Variants in NASP observed in about 807,000 individuals in gnomAD.
NASP encodes NASP histone chaperone.
Under a neutral mutation model 89.5 loss-of-function variants are expected in NASP, and 24 were observed. That is an observed-to-expected ratio of 0.27 (90% confidence interval 0.19 to 0.38). The LOEUF (loss-of-function observed/expected upper bound fraction) is 0.38. Ranked by LOEUF, NASP falls within the 10% of genes least tolerant of loss-of-function variation. The pLI is 1.00. For missense variants in NASP, 848 were observed against 921.4 expected, an observed-to-expected ratio of 0.92 and a Z score of 1.03; for synonymous variants, 306 against 324.7, an observed-to-expected ratio of 0.94 and a Z score of 0.62.
chr1:45,584,767 G>A (rs1313561362), intron 1 of NASP, among the ~76,000 whole-genome samples: 2 of 152,224 alleles, frequency 1.3e-5, no homozygotes, highest in Non-Finnish European at 2.9e-5. Flanking sequence ...GGGCCTTGAG[G>A]AGGCGGGAAA....
rs141540892 is a variant in NASP at position 45,617,545 on chromosome 1, A to G, written c.2240A>G (p.Asp747Gly). ...CCGGAGGTGAACGGAGGCAGTGGGGATGCTGTCCCCAGTGGAAATGAAGTT... is the reference window on the plus strand; with the variant it reads ...CCGGAGGTGAACGGAGGCAGTGGGGGTGCTGTCCCCAGTGGAAATGAAGTT... Reference protein sequence around the residue: ...QEPEVNGGSGDAVPSGNEVSE... With the variant: ...QEPEVNGGSGGAVPSGNEVSE... The change falls in exon 14 of 15, where the codon GAT becomes GGT. Residue 747 changes from aspartate to glycine, a missense_variant. Asp to Gly is a moderately conservative substitution (Grantham distance 94). Transcript: ENST00000350030. The G allele has an allele frequency of 1.9e-6, 3 of 1,608,036 alleles. No individual in the cohort carries two copies. The highest frequency in any genetic ancestry group is 2.5e-6 in the Non-Finnish European group (3 of 1,178,180).
Position 45,616,677 on chromosome 1 carries a change from G to A in NASP, c.2131G>A (p.Asp711Asn), listed in dbSNP as rs1644110905. ...TGCTTCCTCATCAAATTGTGTGACT[G>A]ATATTTCCCACCTTGTCAGAAAGAA... ...DGASSSNCVT[D>N]ISHLVRKKRK... The change falls in exon 13 of 15, where the codon GAT becomes AAT. Residue 711 changes from aspartate to asparagine, a missense_variant. Around this residue, in one of 5 missense-constraint regions of NASP, gnomAD observed 218 missense variants for 219.6 expected, o/e 0.99. Transcript: ENST00000350030. The A allele has an allele frequency of 1.2e-6, 2 of 1,614,064 alleles. No homozygotes were observed. The highest frequency in any genetic ancestry group is 4.5e-5 in the East Asian group (2 of 44,884).
Position 45,607,397 on chromosome 1 carries a change from C to G in NASP, c.486C>G (p.Asp162Glu). The change falls in exon 6 of 15, where the codon GAC becomes GAG. Residue 162 changes from aspartate to glutamate, a missense_variant. Asp to Glu is a conservative substitution (Grantham distance 45, BLOSUM62 2). This residue lies in a region of NASP where 464 missense variants were observed against 469.4 expected (regional missense o/e 0.99). Coordinates refer to ENST00000350030, the MANE Select transcript of NASP (RefSeq NM_002482.4). ...GEKEEAKKTE[D>E]KSLAKPETDK... ...AAGAAGAAGCCAAAAAAACAGAAGA[C>G]AAGTCTTTGGCAAAGCCTGAAACTG... 6.2e-7 allele frequency: 1 copy of G among 1,613,944 alleles called. No homozygotes were observed. The highest frequency in any genetic ancestry group is 1.1e-5 in the South Asian group (1 of 91,070).
intron 6 of NASP, among the ~76,000 whole-genome samples, chr1:45,608,547 C>T (rs1643949524): frequency 6.6e-6 from 1 of 152,146 alleles, no homozygotes; most frequent in Non-Finnish European, 1.5e-5. Flanking sequence ...GGCTTATAAA[C>T]TAACACTTTT....
chr1:45,600,996 G>A (rs911421424), intron 2 of NASP, among the ~76,000 whole-genome samples: 2 of 152,070 alleles, frequency 1.3e-5, no homozygotes, highest in African/African-American at 4.8e-5. Flanking sequence ...TGACATGTTT[G>A]TTAAAATCTT....
At chr1:45,602,114 TG>T (rs1281923906) in intron 2 of NASP, 140 bp from the exon 3 acceptor site, 2 of 964,608 alleles carry the variant, frequency 2.1e-6, no homozygotes, top group Non-Finnish European at 2.9e-6. Flanking sequence ...GATTTTGTGA[TG>T]GTAAATAAGT....
chr1:45,616,944 A>C (rs1051831004), intron 13 of NASP, among the ~76,000 whole-genome samples: 2 of 152,140 alleles, frequency 1.3e-5, no homozygotes, highest in Admixed American at 6.5e-5. Flanking sequence ...CCCCGGGTTC[A>C]AGTGATTCTC....
At chr1:45,586,284 GGTGTGTGTGTGT>G (rs202167906) in intron 1 of NASP, among the ~76,000 whole-genome samples, 16 of 100,464 alleles carry the variant, frequency 1.6e-4, no homozygotes, top group Admixed American at 4.1e-4. Flanking sequence ...GTGTGTGTGT[GGTGTGTGTGTGT>G]GTGTGTGTGT....
rs988868704 is a variant in NASP, at chr1:45,584,080, C to G, written c.-67C>G. The G allele has an allele frequency of 1.4e-6, 2 of 1,435,528 alleles. No homozygotes were observed. Among genetic ancestry groups the G allele is most frequent in the Admixed American group, 4.0e-5 (2 of 50,064 alleles). The allele number at this position is 1,435,528 out of a possible 1,614,324, so 88.9% of individuals were successfully genotyped here. A position where few individuals can be genotyped will look rare whatever the true frequency, so the allele number is the denominator to read the frequency against. On this transcript the variant is annotated 5_prime_UTR_variant, in exon 1 of 15. Coordinates refer to ENST00000350030, the MANE Select transcript of NASP (RefSeq NM_002482.4). ...TTTCTGTCCCTGAGTGAGTCTCTGG[C>G]GTCCCAAATTGCCTGTTTTTCTCGC... is the stretch of plus-strand genomic sequence containing the variant.
rs1643540298 is a variant in NASP, at chr1:45,591,232, T to A, written c.69T>A (p.Asp23Glu). ...AELVSADKIE[D>E]VPAPSTSADK... ...TAATTTTTTATTACAGAATTGAAGA[T>A]GTTCCTGCTCCTTCTACATCTGCAG... Residue 23 changes from aspartate (D) to glutamate (E), a missense_variant, in exon 2 of 15, where the codon GAT (aspartate) becomes GAA (glutamate). Physicochemically the swap from Asp to Glu is conservative, Grantham distance 45 (BLOSUM62 2). Around this residue, in one of 5 missense-constraint regions of NASP, gnomAD observed 89 missense variants for 79.2 expected, o/e 1.12. Transcript: ENST00000350030. 5.8e-6 allele frequency: 9 copies of A among 1,539,472 alleles called. No individual in the cohort carries two copies. Among genetic ancestry groups the A allele is most frequent in the Non-Finnish European group, 7.9e-6 (9 of 1,145,304 alleles).
At chr1:45,613,541 G>A (rs186399737) in intron 7 of NASP, among the ~76,000 whole-genome samples, 5 of 152,272 alleles carry the variant, frequency 3.3e-5, no homozygotes, top group African/African-American at 7.2e-5. Flanking sequence ...GAGTGCACTG[G>A]CATGATCAGG....
intron 6 of NASP, among the ~76,000 whole-genome samples, chr1:45,609,031 G>C (rs932782313): frequency 1.3e-5 from 2 of 151,966 alleles, no homozygotes; most frequent in Admixed American, 1.3e-4. Context: ...TTTCATGCTT[G>C]CTTCGGCTGC....
At chr1:45,593,300 AAGTGGGCTGATCACTTG>A (rs1380606130) in intron 2 of NASP, among the ~76,000 whole-genome samples, 1 of 152,134 alleles carries the variant, frequency 6.6e-6, no homozygotes, top group African/African-American at 2.4e-5. Flanking sequence ...TGGGAGACTG[AAGTGGGCTGATCACTTG>A]AGGTCAGGAG....
intron 1 of NASP, among the ~76,000 whole-genome samples, chr1:45,586,239 CGTGTGTGTGTGTGTGTGT>C (rs537983711): frequency 0.09 from 9,890 of 110,166 alleles, 467 homozygotes; most frequent in Non-Finnish European, 0.11. Context: ...CCTACCGTGC[CGTGTGTGTGTGTGTGTGT>C]GTGTGTGTGT....
At chr1:45,617,087 C>T (rs919502269) in intron 13 of NASP, 2 of 294,586 alleles carry the variant, frequency 6.8e-6, no homozygotes, top group Non-Finnish European at 1.3e-5. Flanking sequence ...TCGTGATCCA[C>T]CCACCTCGGC....
intron 2 of NASP, among the ~76,000 whole-genome samples, chr1:45,596,277 G>GT (rs1413857411): frequency 1.6e-4 from 25 of 152,164 alleles, no homozygotes; most frequent in Non-Finnish European, 2.9e-5. Context: ...TTTTAAGCGT[G>GT]TAAGTCAGTA....
intron 6 of NASP, chr1:45,610,048 A>C (rs566335996): frequency 1.3e-5 from 2 of 152,196 alleles, no homozygotes; most frequent in South Asian, 4.2e-4. Context: ...AAAATACAAA[A>C]ATTAGCTGGA....
chr1:45,605,196 T>C (rs1309715840), intron 4 of NASP, among the ~76,000 whole-genome samples, 180 bp downstream of exon 4: 1 of 152,222 alleles, frequency 6.6e-6, no homozygotes, highest in Admixed American at 6.5e-5. Context: ...GTTTTGACTT[T>C]TGGAGTCAGT....
intron 6 of NASP, chr1:45,612,443 A>C (rs1185473214): frequency 6.6e-6 from 1 of 152,202 alleles, no homozygotes; most frequent in Non-Finnish European, 1.5e-5. Flanking sequence ...TGATTTGTCT[A>C]ATCACAGTAG....
Sources: gnomAD v4.1 joint callset for allele counts (sites outside exome capture counted in the v4.1 genomes callset) on GRCh38, gnomAD v4.1.1 for gene constraint, gnomAD v4.1.1 regional missense constraint, MANE v1.5 for transcripts, NCBI Gene and HGNC (gene_info 2026-07-23, HGNC 2026-07-21) for gene names.